Variants in GRIA2 observed in about 807,000 individuals in gnomAD.
The protein encoded by GRIA2 is glutamate ionotropic receptor AMPA type subunit 2, also known as glutamate receptor 2.
Under a neutral mutation model 97.3 loss-of-function variants are expected in GRIA2, and 14 were observed. The ratio of observed to expected loss-of-function variants is 0.14; its 90% confidence interval spans 0.10 to 0.23. GRIA2 has a LOEUF of 0.23. Ranked by LOEUF, GRIA2 falls within the 10% of genes least tolerant of loss-of-function variation. The pLI, the probability that GRIA2 is intolerant of heterozygous loss-of-function variation, is 1.00. For synonymous variants in GRIA2, 412 were observed against 387.8 expected, an observed-to-expected ratio of 1.06 and a Z score of -0.73; for missense variants, 558 against 1,069.8, an observed-to-expected ratio of 0.52 and a Z score of 6.67.
At position 157,321,608 on chromosome 4, in the gene GRIA2, T is replaced by C; in HGVS notation, c.882+9T>C. 6.3e-7 allele frequency: 1 copy of C among 1,594,470 alleles called. No individual in the cohort carries two copies. Among genetic ancestry groups the C allele is most frequent in the Non-Finnish European group, 8.6e-7 (1 of 1,169,292 alleles). ...ACACAACAACAATTAAGGTTTGCTT[T>C]GGTTTCTGTCTTTTCTTTTTCTTTC... On this transcript the variant is annotated intron_variant, in intron 6 of 15. Coordinates refer to ENST00000264426, the MANE Select transcript of GRIA2 (RefSeq NM_001083619.3).
At chr4:157,255,563 C>T (rs1166301902) in intron 2 of GRIA2, among the ~76,000 whole-genome samples, 1 of 151,976 alleles carries the variant, frequency 6.6e-6, no homozygotes, top group Non-Finnish European at 1.5e-5. Context: ...TCCTCACCAA[C>T]ATCTGTTGTT....
intron 6 of GRIA2, among the ~76,000 whole-genome samples, chr4:157,323,392 A>G (rs1398044772): frequency 7.1e-6 from 1 of 140,914 alleles, no homozygotes; most frequent in Non-Finnish European, 1.5e-5. Context: ...TCGGGGAGGT[A>G]CTTTTCATGT....
At chr4:157,248,780 CTATATATATATATATA>C (rs36210142) in intron 2 of GRIA2, among the ~76,000 whole-genome samples, 6,864 of 122,316 alleles carry the variant, frequency 0.056, 237 homozygotes, top group Non-Finnish European at 0.081. Flanking sequence ...CTTTCTTTCA[CTATATATATATATATA>C]TATATATATA....
intron 11 of GRIA2, among the ~76,000 whole-genome samples, 174 bp from the exon 12 acceptor site, chr4:157,341,090 T>G (rs1389815916): frequency 6.6e-6 from 1 of 152,116 alleles, no homozygotes; most frequent in Non-Finnish European, 1.5e-5. Flanking sequence ...TTAGCTACTC[T>G]GTACTCCTTG....
At chr4:157,221,167 TA>T in intron 1 of GRIA2, 37 bp downstream of exon 1, 1 of 1,015,738 alleles carries the variant, frequency 9.8e-7, no homozygotes, top group Non-Finnish European at 1.6e-6. Flanking sequence ...GAATTGTGCA[TA>T]ATTTGGTGGT....
chr4:157,247,460 C>T (rs1360569123), intron 2 of GRIA2, among the ~76,000 whole-genome samples: 1 of 152,070 alleles, frequency 6.6e-6, no homozygotes, highest in Non-Finnish European at 1.5e-5. Context: ...AGAAATGTAC[C>T]TAGCATGTAG....
At chr4:157,231,412 A>G (rs1730013641) in intron 2 of GRIA2, among the ~76,000 whole-genome samples, 1 of 152,074 alleles carries the variant, frequency 6.6e-6, no homozygotes, top group African/African-American at 2.4e-5. Context: ...CCTGGCCTTA[A>G]GCGATCCTGT....
At chr4:157,311,085 A>G (rs1412098352) in intron 3 of GRIA2, among the ~76,000 whole-genome samples, 1 of 152,014 alleles carries the variant, frequency 6.6e-6, no homozygotes, top group Non-Finnish European at 1.5e-5. Context: ...TTTCAAATAT[A>G]TATTCATCCA....
intron 2 of GRIA2, among the ~76,000 whole-genome samples, chr4:157,286,918 T>C (rs1053618405): frequency 2.0e-5 from 3 of 151,764 alleles, no homozygotes; most frequent in Admixed American, 6.6e-5. Flanking sequence ...GGATAAACAG[T>C]ATCTGAAGTA....
At chr4:157,289,341 T>G (rs1334735255) in intron 2 of GRIA2, among the ~76,000 whole-genome samples, 2 of 151,904 alleles carry the variant, frequency 1.3e-5, no homozygotes, top group Non-Finnish European at 2.9e-5. Flanking sequence ...AGTGCATCAG[T>G]GCCCCCAAAT....
At chr4:157,293,448 T>A (rs569150433) in intron 2 of GRIA2, among the ~76,000 whole-genome samples, 2 of 152,252 alleles carry the variant, frequency 1.3e-5, no homozygotes, top group African/African-American at 4.8e-5. Context: ...AGATAATTGT[T>A]CTGTGGTGTC....
At chr4:157,243,715 AG>A (rs2126722551) in intron 2 of GRIA2, among the ~76,000 whole-genome samples, 1 of 152,198 alleles carries the variant, frequency 6.6e-6, no homozygotes, top group East Asian at 1.9e-4. Flanking sequence ...AAGAAAAGTG[AG>A]GATGTGTGCT....
rs1447917366 is a variant in GRIA2 at position 157,261,043 on chromosome 4, C to T, written c.229+39236C>T. ...TTTTCAAGATATTACATGTATTAGT[C>T]CATTCTCATGCTGCTCTAAAGGCAT... On this transcript the variant is annotated intron_variant, in intron 2 of 15. Transcript: ENST00000264426. Among the ~76,000 whole-genome samples, 3 of 151,976 alleles carry T rather than the reference C, an allele frequency of 2.0e-5. No homozygotes were observed. In the East Asian group the frequency reaches 5.8e-4, roughly 29 times the overall value.
At chr4:157,227,370 T>G (rs967514716) in intron 2 of GRIA2, among the ~76,000 whole-genome samples, 1 of 152,150 alleles carries the variant, frequency 6.6e-6, no homozygotes, top group Non-Finnish European at 1.5e-5. Context: ...CCTTGAAAAT[T>G]TTAAGGAAGG....
At chr4:157,255,886 C>G (rs1055788369) in intron 2 of GRIA2, among the ~76,000 whole-genome samples, 1 of 151,074 alleles carries the variant, frequency 6.6e-6, no homozygotes. Flanking sequence ...ATACAAATGG[C>G]CAACAAGCAT....
chr4:157,363,461 C>T lies in GRIA2; in HGVS notation c.*30C>T. On this transcript the variant is annotated 3_prime_UTR_variant, in exon 16 of 16. Coordinates refer to ENST00000264426, the MANE Select transcript of GRIA2 (RefSeq NM_001083619.3). ...TGACCTTGAATGATGCCATGAGGAA[C>T]AAGGCAAGGCTGTCAATTACAGGAA... The T allele has an allele frequency of 8.1e-7, 1 of 1,241,470 alleles. No individual in the cohort carries two copies. The highest frequency in any genetic ancestry group is 1.0e-6 in the Non-Finnish European group (1 of 991,780). The allele number at this position is 1,241,470 out of a possible 1,614,324, so 76.9% of individuals were successfully genotyped here.
Position 157,290,347 on chromosome 4 carries a change from T to A in GRIA2, c.230-13205T>A, listed in dbSNP as rs1161562304. Among the ~76,000 whole-genome samples the A allele has an allele frequency of 1.3e-5, 2 of 151,892 alleles. 1 individual carries two copies. The highest frequency in any genetic ancestry group is 1.3e-4 in the Admixed American group (2 of 15,202). ...ACATTTGGTCCAATGCTGTTTAATA[T>A]GTTTTGAGAGCATGAGATGTGCTGA... On this transcript the variant is annotated intron_variant, in intron 2 of 15. Transcript: ENST00000264426.
chr4:157,233,787 A>C (rs951879538), intron 2 of GRIA2, among the ~76,000 whole-genome samples: 9 of 151,976 alleles, frequency 5.9e-5, no homozygotes, highest in African/African-American at 2.2e-4. Flanking sequence ...TTTATGTATA[A>C]TTTTTTTCTT....
chr4:157,328,346 T>G (rs2126922034), intron 6 of GRIA2, among the ~76,000 whole-genome samples: 1 of 152,160 alleles, frequency 6.6e-6, no homozygotes, highest in South Asian at 2.1e-4. Context: ...TTTCAAATTT[T>G]TGCCAAATCT....
Sources: allele counts gnomAD v4.1 joint callset (sites outside exome capture counted in the v4.1 genomes callset), GRCh38; gene constraint gnomAD v4.1.1; transcripts MANE v1.5; gene names NCBI Gene and HGNC (gene_info 2026-07-23, HGNC 2026-07-21).